The following XPO7 variants were observed in gnomAD, a reference collection of about 807,000 sequenced individuals.
XPO7 encodes the protein exportin 7.
In XPO7, 21 loss-of-function variants were observed where a neutral mutation model predicts 144.3. That is an observed-to-expected ratio of 0.15 (90% CI 0.10 to 0.21). XPO7 has a LOEUF of 0.21. Ranked by LOEUF, XPO7 falls within the 10% of genes least tolerant of loss-of-function variation. The pLI, the probability that XPO7 is intolerant of heterozygous loss-of-function variation, is 1.00. For synonymous variants in XPO7, 580 were observed against 499.6 expected (o/e 1.16, Z -2.15); for missense variants, 808 against 1,325.8 (o/e 0.61, Z 6.06).
At chr8:21,956,932 T>C (rs937198914) in intron 1 of XPO7, among the ~76,000 whole-genome samples, 5 of 152,182 alleles carry the variant, frequency 3.3e-5, no homozygotes. Flanking sequence ...TGATAATACT[T>C]GATTATTTGC....
At chr8:21,920,096 C>A (rs1810220969) in intron 1 of XPO7, among the ~76,000 whole-genome samples, 1 of 151,978 alleles carries the variant, frequency 6.6e-6, no homozygotes, top group African/African-American at 2.4e-5. Context: ...CCGGGGGAGG[C>A]CTCCGTCAAG....
At chr8:21,947,096 G>C (rs1811217986) in intron 1 of XPO7, among the ~76,000 whole-genome samples, 1 of 152,208 alleles carries the variant, frequency 6.6e-6, no homozygotes, top group African/African-American at 2.4e-5. Context: ...AGAAGCAAAG[G>C]TGACCAAAGA....
At chr8:21,983,668 G>T (rs1812476793) in intron 11 of XPO7, among the ~76,000 whole-genome samples, 2 of 152,236 alleles carry the variant, frequency 1.3e-5, no homozygotes, top group African/African-American at 4.8e-5. Context: ...TTACATGTTT[G>T]TAGGCTCTGG....
At chr8:21,946,637 A>G (rs1811203062) in intron 1 of XPO7, among the ~76,000 whole-genome samples, 1 of 146,966 alleles carries the variant, frequency 6.8e-6, no homozygotes, top group African/African-American at 2.5e-5. Flanking sequence ...TATGCAAAAC[A>G]GGATTTTTTT....
intron 2 of XPO7, among the ~76,000 whole-genome samples, chr8:21,967,414 T>C (rs1811919819): frequency 6.6e-6 from 1 of 152,150 alleles, no homozygotes; most frequent in African/African-American, 2.4e-5. Flanking sequence ...CACTGCAACC[T>C]CCACCTCCCG....
Position 21,998,738 on chromosome 8 carries a change from C to T in XPO7, c.2346-17C>T. The T allele has an allele frequency of 5.6e-6, 9 of 1,612,952 alleles. No homozygotes were observed. The highest frequency in any genetic ancestry group is 7.6e-6 in the Non-Finnish European group (9 of 1,179,134). Reference sequence around the variant, plus strand: ...AAAACACCTCTGACTTTTTCTCCTCCTGTGCTCTCTGCTCAGGTCCCAGCG... The same window carrying T: ...AAAACACCTCTGACTTTTTCTCCTCTTGTGCTCTCTGCTCAGGTCCCAGCG... On this transcript the variant is annotated splice_polypyrimidine_tract_variant and intron_variant, in intron 21 of 27. Coordinates refer to ENST00000252512, the MANE Select transcript of XPO7 (RefSeq NM_015024.5).
rs1813334474 is a variant in XPO7 at position 22,006,460 on chromosome 8, T to C, written c.*1372T>C. 2 of 152,304 alleles carry C rather than the reference T, an allele frequency of 1.3e-5. No individual in the cohort carries two copies. The highest frequency in any genetic ancestry group is 2.1e-4 in the South Asian group (1 of 4,828). The allele number at this position is 152,304 out of a possible 1,614,324, so 9.4% of individuals were successfully genotyped here. On this transcript the variant is annotated 3_prime_UTR_variant, in exon 28 of 28. Transcript: ENST00000252512. The stretch of plus-strand genomic sequence containing the variant: ...AACAAGCCTGTTAATTTTTTTTCCT[T>C]CTCCTCTGGCGACTGTGTGATGAAT...
At chr8:21,971,012 C>T (rs1031260997) in intron 4 of XPO7, among the ~76,000 whole-genome samples, 2 of 152,084 alleles carry the variant, frequency 1.3e-5, no homozygotes, top group African/African-American at 4.8e-5. Context: ...TCATGGTAAG[C>T]GCCCTATACA....
chr8:21,941,318 A>G lies in XPO7; in HGVS notation c.18+21530A>G, dbSNP rs1585425158. On this transcript the variant is annotated intron_variant, in intron 1 of 27. Transcript: ENST00000252512. ...ACAGGCGGGTGCCACCTGACTAGTTAAGAAAATTTTTTTTTTAGAGATGGG... is the reference window on the plus strand; with the variant it reads ...ACAGGCGGGTGCCACCTGACTAGTTGAGAAAATTTTTTTTTTAGAGATGGG... Among the ~76,000 whole-genome samples the G allele has an allele frequency of 3.3e-5, 5 of 152,014 alleles. No individual in the cohort carries two copies. In the South Asian group the frequency reaches 1.0e-3, roughly 32 times the overall value.
chr8:21,997,669 G>A (rs912922381), intron 21 of XPO7, among the ~76,000 whole-genome samples: 1 of 152,138 alleles, frequency 6.6e-6, no homozygotes, highest in Admixed American at 6.5e-5. Flanking sequence ...TCATTGCTGT[G>A]GGAAGCCGCT....
At chr8:21,978,551 C>T (rs1812299984) in intron 8 of XPO7, among the ~76,000 whole-genome samples, 1 of 152,102 alleles carries the variant, frequency 6.6e-6, no homozygotes, top group South Asian at 2.1e-4. Context: ...TCAGTGTTGT[C>T]GGGTGTATCG....
chr8:21,984,588 T>A lies in XPO7; in HGVS notation c.1278-58T>A, dbSNP rs1049742581. The A allele has an allele frequency of 2.7e-6, 4 of 1,473,686 alleles. No individual in the cohort carries two copies. The African/African-American group carries it at 5.6e-5, about 21-fold the overall frequency. 91.3% of individuals were successfully genotyped at this position (1,473,686 alleles called of 1,614,324 possible). ...TGAAGAAGTCAGAGAGCTGCTATAT[T>A]GGGCAAATCAGTAGTCATATTTTAA... On this transcript the variant is annotated intron_variant, in intron 11 of 27. Coordinates refer to ENST00000252512, the MANE Select transcript of XPO7 (RefSeq NM_015024.5).
intron 1 of XPO7, among the ~76,000 whole-genome samples, chr8:21,932,548 C>A (rs773439098): frequency 3.3e-5 from 5 of 152,134 alleles, no homozygotes; most frequent in African/African-American, 4.8e-5. Context: ...TTCTTTCTTG[C>A]CGAATCTTCT....
chr8:21,990,006 T>C (rs1563334966), intron 16 of XPO7, among the ~76,000 whole-genome samples: 1 of 151,510 alleles, frequency 6.6e-6, no homozygotes, highest in Non-Finnish European at 1.5e-5. Flanking sequence ...CCCGCCACCA[T>C]GCCCGGCTAA....
chr8:21,972,971 T>G (rs1404720614), intron 5 of XPO7, among the ~76,000 whole-genome samples: 1 of 152,244 alleles, frequency 6.6e-6, no homozygotes, highest in Non-Finnish European at 1.5e-5. Context: ...TTTGAGTGAT[T>G]ACTGTTACCA....
rs188631532 is a variant in XPO7 at position 21,985,786 on chromosome 8, A to T, written c.1577+95A>T. 1.8e-5 allele frequency: 19 copies of T among 1,048,346 alleles called. No individual in the cohort carries two copies. In the African/African-American group the frequency reaches 2.5e-4, roughly 14 times the overall value. The allele number at this position is 1,048,346 out of a possible 1,614,324, so 64.9% of individuals were successfully genotyped here. ...TCCACTTACAGAACGTAATCTGAAC[A>T]TGCTAACTGCCCATGAGACACAGCT... On this transcript the variant is annotated intron_variant, in intron 13 of 27. Transcript: ENST00000252512.
chr8:21,957,237 C>T (rs1175627427), intron 1 of XPO7, among the ~76,000 whole-genome samples: 1 of 152,032 alleles, frequency 6.6e-6, no homozygotes, highest in Admixed American at 6.5e-5. Flanking sequence ...CCCATAGCTT[C>T]AGATGTGCTT....
chr8:21,970,389 C>CACAG, intron 4 of XPO7, 79 bp downstream of exon 4: 1 of 1,277,952 alleles, frequency 7.8e-7, no homozygotes, highest in Non-Finnish European at 1.1e-6. Flanking sequence ...CACACACACA[C>CACAG]ACAACTTAAC....
chr8:21,980,547 A>G (rs976557000), intron 9 of XPO7, among the ~76,000 whole-genome samples: 1 of 152,148 alleles, frequency 6.6e-6, no homozygotes, highest in Non-Finnish European at 1.5e-5. Context: ...CAAGGTGGGC[A>G]GATCACTTGA....
Sources: gnomAD v4.1 joint callset for allele counts (sites outside exome capture counted in the v4.1 genomes callset) on GRCh38, gnomAD v4.1.1 for gene constraint, MANE v1.5 for transcripts, NCBI Gene and HGNC (gene_info 2026-07-23, HGNC 2026-07-21) for gene names.